The following SCOC variants were observed in gnomAD, a reference collection of about 807,000 sequenced individuals.
SCOC encodes the protein short coiled-coil protein, also known as short coiled coil protein.
Under a neutral mutation model 9.9 loss-of-function variants are expected in SCOC, and 7 were observed. The observed-to-expected ratio is 0.71, with a 90% CI of 0.40 to 1.33. The LOEUF is 1.33. Ranked by LOEUF, SCOC falls within the 40% of genes most tolerant of loss-of-function variation. The pLI is 0.01. For missense variants in SCOC, 66 were observed against 89.7 expected (o/e 0.74, Z 1.07); for synonymous variants, 19 against 28.2 (o/e 0.67, Z 1.03).
At chr4:140,376,345 C>A (rs543558747) in intron 1 of SCOC, 3 of 152,150 alleles carry the variant, frequency 2.0e-5, no homozygotes, top group Non-Finnish European at 4.4e-5. Context: ...TTGATCACAT[C>A]ACAATAAAAT....
chr4:140,354,612 T>G (rs1220514644), intron 2 of SCOC, among the ~76,000 whole-genome samples: 1 of 151,314 alleles, frequency 6.6e-6, no homozygotes, highest in Non-Finnish European at 1.5e-5. Flanking sequence ...GCTTTTTAGG[T>G]AACGTGTAAT....
intron 1 of SCOC, among the ~76,000 whole-genome samples, chr4:140,323,070 G>A (rs1306169980): frequency 6.6e-6 from 1 of 152,130 alleles, no homozygotes; most frequent in Non-Finnish European, 1.5e-5. Context: ...TAGTTTGGAT[G>A]TTTGTCCCCT....
At chr4:140,341,144 T>A (rs952426907), upstream of SCOC, among the ~76,000 whole-genome samples, 11 of 152,112 alleles carry the variant, frequency 7.2e-5, no homozygotes, top group Non-Finnish European at 2.9e-5. Context: ...ATAAGAAATA[T>A]CCTTGAAGAA....
At chr4:140,258,425 C>T (rs6815941) in intron 1 of SCOC, among the ~76,000 whole-genome samples, 20,119 of 152,134 alleles carry the variant, frequency 0.13, 1,934 homozygotes, top group East Asian at 0.3. Context: ...CCGTCAAACA[C>T]TGGATTTTTT....
chr4:140,341,458 A>G (rs997434723), upstream of SCOC, among the ~76,000 whole-genome samples: 1 of 152,168 alleles, frequency 6.6e-6, no homozygotes, highest in African/African-American at 2.4e-5. Flanking sequence ...AACTCTCTAC[A>G]TGCCTCAGCT....
At chr4:140,312,422 T>A (rs1056078261) in intron 1 of SCOC, among the ~76,000 whole-genome samples, 17 of 152,328 alleles carry the variant, frequency 1.1e-4, no homozygotes, top group African/African-American at 1.9e-4. Flanking sequence ...TATATATTTA[T>A]TTAATTAATT....
At chr4:140,331,787 T>G (rs1167217300) in intron 1 of SCOC, among the ~76,000 whole-genome samples, 1 of 152,216 alleles carries the variant, frequency 6.6e-6, no homozygotes, top group Non-Finnish European at 1.5e-5. Context: ...CATCTTCACC[T>G]GCTCACTGAA....
At chr4:140,340,166 G>A (rs1354311378), upstream of SCOC, among the ~76,000 whole-genome samples, 4 of 152,090 alleles carry the variant, frequency 2.6e-5, no homozygotes, top group Admixed American at 6.5e-5. Context: ...TGGATGAAGC[G>A]GGAAACCATC....
chr4:140,261,553 A>T (rs762983758), intron 1 of SCOC, among the ~76,000 whole-genome samples: 1 of 152,218 alleles, frequency 6.6e-6, no homozygotes, highest in Non-Finnish European at 1.5e-5. Flanking sequence ...CTCTGCATTC[A>T]TGAAATATTT....
chr4:140,316,488 C>G (rs1364297360), intron 1 of SCOC, among the ~76,000 whole-genome samples: 3 of 152,202 alleles, frequency 2.0e-5, no homozygotes, highest in Non-Finnish European at 4.4e-5. Context: ...GAACACACCT[C>G]TTGCTTACAA....
At chr4:140,289,015 A>T (rs1228816036) in intron 1 of SCOC, among the ~76,000 whole-genome samples, 1 of 152,030 alleles carries the variant, frequency 6.6e-6, no homozygotes, top group Non-Finnish European at 1.5e-5. Flanking sequence ...GTCCACACAC[A>T]TGACACACAC....
chr4:140,333,873 T>C (rs1441378085), intron 1 of SCOC, among the ~76,000 whole-genome samples: 2 of 152,200 alleles, frequency 1.3e-5, no homozygotes, highest in Non-Finnish European at 2.9e-5. Context: ...ACATTATATA[T>C]ACTGCATTTT....
intron 1 of SCOC, among the ~76,000 whole-genome samples, chr4:140,307,068 G>A (rs1030545421): frequency 8.5e-5 from 13 of 152,260 alleles, no homozygotes; most frequent in Middle Eastern, 3.4e-3. Flanking sequence ...CCCAAGGGAC[G>A]TTGTTCATCT....
intron 1 of SCOC, among the ~76,000 whole-genome samples, chr4:140,259,551 A>G (rs1730583100): frequency 2.0e-5 from 3 of 152,158 alleles, no homozygotes; most frequent in Non-Finnish European, 4.4e-5. Flanking sequence ...GAGACCATCT[A>G]TAAAAAGAAA....
At chr4:140,364,530 T>C (rs1727705146) in intron 2 of SCOC, among the ~76,000 whole-genome samples, 1 of 152,194 alleles carries the variant, frequency 6.6e-6, no homozygotes, top group African/African-American at 2.4e-5. Context: ...CACCAGGATT[T>C]AAGGCAGGAA....
chr4:140,347,228 A>G (rs1174869024), intron 2 of SCOC, among the ~76,000 whole-genome samples: 2 of 152,182 alleles, frequency 1.3e-5, no homozygotes, highest in Non-Finnish European at 2.9e-5. Context: ...GGATCTAAAC[A>G]CTTAATATAT....
upstream of SCOC, among the ~76,000 whole-genome samples, chr4:140,340,289 A>G (rs975414824): frequency 2.6e-5 from 4 of 150,974 alleles, no homozygotes; most frequent in Admixed American, 1.3e-4. Flanking sequence ...ATCACACACC[A>G]GGGCCTGTTG....
In SCOC at chr4:140,357,862, C is replaced by A. The variant is rs562027194; in HGVS notation, c.70+14154C>A. Among the ~76,000 whole-genome samples, 23 of 18,628 alleles carry A rather than the reference C, an allele frequency of 1.2e-3. 1 individual carries two copies. The South Asian group carries it at 0.025, about 20-fold the overall frequency. The allele number at this position is 18,628 out of a possible 152,430, so 12.2% of individuals were successfully genotyped here. On this transcript the variant is annotated intron_variant, in intron 2 of 4. Coordinates refer to the SCOC transcript ENST00000338517. ...AGCATCTTTAATTCGTTATACCCCA[C>A]ATCTTCTCTTTCTCCCCTTTTCCTC...
At chr4:140,290,925 C>G (rs890204039) in intron 1 of SCOC, among the ~76,000 whole-genome samples, 1 of 152,218 alleles carries the variant, frequency 6.6e-6, no homozygotes, top group Non-Finnish European at 1.5e-5. Context: ...ATTCTGTGCT[C>G]AGAAACATGT....
Sources: allele counts gnomAD v4.1 joint callset (sites outside exome capture counted in the v4.1 genomes callset), GRCh38; gene constraint gnomAD v4.1.1; transcripts MANE v1.5; gene names NCBI Gene and HGNC (gene_info 2026-07-23, HGNC 2026-07-21).